MGMT: variants seen among roughly 807,000 people sequenced by gnomAD.
The protein encoded by MGMT is methylated-DNA--protein-cysteine methyltransferase.
Under a neutral mutation model 15.9 loss-of-function variants are expected in MGMT, and 14 were observed. That is an observed-to-expected ratio of 0.88 (90% CI 0.58 to 1.37). MGMT has a LOEUF of 1.37. Among genes scored for constraint, MGMT ranks in the 40% most tolerant of loss-of-function variants. The probability of loss-of-function intolerance (pLI) is 0.00; values close to 1 mark genes in which losing one functional copy is unlikely to be tolerated. For missense variants in MGMT, 282 were observed against 268.1 expected, an observed-to-expected ratio of 1.05 and a Z score of -0.36; for synonymous variants, 130 against 118.2, an observed-to-expected ratio of 1.10 and a Z score of -0.65.
chr10:129,766,705 T>C, intron 4 of MGMT, 83 bp from the exon 5 acceptor site: 2 of 1,296,482 alleles, frequency 1.5e-6, no homozygotes, highest in Non-Finnish European at 2.1e-6. Context: ...ACAGGACTCC[T>C]GTCAGTCAGG....
chr10:129,687,452 G>A (rs1847917552), intron 2 of MGMT, among the ~76,000 whole-genome samples: 1 of 152,166 alleles, frequency 6.6e-6, no homozygotes, highest in African/African-American at 2.4e-5. Context: ...CTGGTGCACA[G>A]GGGGGACCCA....
chr10:129,688,975 T>C (rs1215334855), intron 2 of MGMT, among the ~76,000 whole-genome samples: 1 of 152,148 alleles, frequency 6.6e-6, no homozygotes, highest in African/African-American at 2.4e-5. Flanking sequence ...TGTTTGTTTT[T>C]GAGACAGGGT....
At position 129,751,468 on chromosome 10, in the gene MGMT, T is replaced by C. The variant is rs115506266; in HGVS notation, c.275-7734T>C. On this transcript the variant is annotated intron_variant, in intron 3 of 4. Coordinates refer to ENST00000651593, the MANE Select transcript of MGMT (RefSeq NM_002412.5). Reference sequence around the variant, plus strand: ...ATTGATCATTTCATGGAACTCATTTTTAATTTCTTGGATTTTACTCTTATC... The same window carrying C: ...ATTGATCATTTCATGGAACTCATTTCTAATTTCTTGGATTTTACTCTTATC... Among the ~76,000 whole-genome samples, 1,390 of 152,084 alleles carry C rather than the reference T, an allele frequency of 9.1e-3. 21 individuals carry two copies. Among genetic ancestry groups the C allele is most frequent in the African/African-American group, 0.032 (1,336 of 41,564 alleles).
At chr10:129,629,108 A>G (rs554458) in intron 2 of MGMT, among the ~76,000 whole-genome samples, 72,795 of 152,140 alleles carry the variant, frequency 0.48, 17,967 homozygotes, top group East Asian at 0.63. Flanking sequence ...GCCAGGCGGC[A>G]ATGGTCTACA....
chr10:129,673,358 T>TC (rs1259027207), intron 2 of MGMT, among the ~76,000 whole-genome samples: 1 of 152,152 alleles, frequency 6.6e-6, no homozygotes, highest in East Asian at 1.9e-4. Context: ...CCTGCCCACC[T>TC]CCCCATCTTC....
intron 2 of MGMT, among the ~76,000 whole-genome samples, chr10:129,684,055 A>T (rs1417833475): frequency 1.3e-5 from 2 of 152,180 alleles, no homozygotes; most frequent in African/African-American, 4.8e-5. Context: ...TCCCCTCTGT[A>T]TTTGCTGAAA....
intron 1 of MGMT, among the ~76,000 whole-genome samples, chr10:129,505,781 A>T (rs1589839649): frequency 6.6e-6 from 1 of 152,286 alleles, no homozygotes; most frequent in South Asian, 2.1e-4. Context: ...GTTCTTGCTC[A>T]TGGTGTCTTA....
At chr10:129,661,416 T>A (rs1197799903) in intron 2 of MGMT, among the ~76,000 whole-genome samples, 1 of 152,146 alleles carries the variant, frequency 6.6e-6, no homozygotes, top group African/African-American at 2.4e-5. Flanking sequence ...TAAAGACGCG[T>A]CCATTTCTCA....
chr10:129,610,405 T>G (rs1288507085), intron 2 of MGMT, among the ~76,000 whole-genome samples: 1 of 152,238 alleles, frequency 6.6e-6, no homozygotes, highest in Admixed American at 6.5e-5. Context: ...CTTGCTGTTC[T>G]GGAACTTGCC....
intron 2 of MGMT, among the ~76,000 whole-genome samples, chr10:129,692,304 T>C (rs762918429): frequency 6.6e-6 from 1 of 152,096 alleles, no homozygotes; most frequent in South Asian, 2.1e-4. Flanking sequence ...AGCGGCGGCT[T>C]CCAGGCAGGG....
intron 2 of MGMT, among the ~76,000 whole-genome samples, chr10:129,614,910 G>T (rs1011053278): frequency 6.6e-6 from 1 of 152,172 alleles, no homozygotes; most frequent in African/African-American, 2.4e-5. Context: ...GTCAGCTTTT[G>T]CAAAGCATTT....
chr10:129,468,194 TG>T (rs932993888), intron 1 of MGMT, among the ~76,000 whole-genome samples: 5 of 152,188 alleles, frequency 3.3e-5, no homozygotes, highest in Admixed American at 2.0e-4. Flanking sequence ...CCCCCATCCC[TG>T]GGCAGGTGTC....
chr10:129,764,661 G>T (rs1204315557), intron 4 of MGMT, among the ~76,000 whole-genome samples: 2 of 152,254 alleles, frequency 1.3e-5, no homozygotes, highest in Non-Finnish European at 2.9e-5. Context: ...TCTCTGTTGA[G>T]CTGGGGATAC....
chr10:129,540,665 T>C (rs1426779752), intron 2 of MGMT, among the ~76,000 whole-genome samples: 1 of 152,256 alleles, frequency 6.6e-6, no homozygotes, highest in Admixed American at 6.5e-5. Flanking sequence ...GTACTGTCTT[T>C]GTCTTGTTTT....
chr10:129,712,761 C>T (rs1341486936), intron 3 of MGMT, among the ~76,000 whole-genome samples: 1 of 152,134 alleles, frequency 6.6e-6, no homozygotes, highest in Non-Finnish European at 1.5e-5. Context: ...TCACCGGAGC[C>T]AGCCCTTTAA....
At chr10:129,734,636 G>A (rs1013611827) in intron 3 of MGMT, among the ~76,000 whole-genome samples, 2 of 152,048 alleles carry the variant, frequency 1.3e-5, no homozygotes, top group Non-Finnish European at 2.9e-5. Context: ...CCTGTCTTGT[G>A]CCAGTTTTCA....
intron 2 of MGMT, among the ~76,000 whole-genome samples, chr10:129,652,041 G>C (rs1847464530): frequency 6.6e-6 from 1 of 152,214 alleles, no homozygotes; most frequent in African/African-American, 2.4e-5. Context: ...CGAGAGGAAA[G>C]GTTCCGGGAA....
intron 3 of MGMT, chr10:129,715,564 C>T (rs540353917): frequency 5.3e-5 from 8 of 152,322 alleles, no homozygotes; most frequent in Admixed American, 1.3e-4. Flanking sequence ...TGTTAACCTT[C>T]GTCTCTTTTG....
chr10:129,611,760 G>A (rs1846963573), intron 2 of MGMT, among the ~76,000 whole-genome samples: 1 of 152,168 alleles, frequency 6.6e-6, no homozygotes, highest in African/African-American at 2.4e-5. Context: ...CATAACCTTG[G>A]ATGAGATGCT....
Sources: gnomAD v4.1 joint callset for allele counts (sites outside exome capture counted in the v4.1 genomes callset) on GRCh38, gnomAD v4.1.1 for gene constraint, MANE v1.5 for transcripts, NCBI Gene and HGNC (gene_info 2026-07-23, HGNC 2026-07-21) for gene names.